The following POLE variants were observed in gnomAD, a reference collection of about 807,000 sequenced individuals.
POLE encodes the protein DNA polymerase epsilon, catalytic subunit, also known as DNA polymerase epsilon catalytic subunit A.
POLE carries 188 observed loss-of-function variants against 279.2 expected under a neutral mutation model. The observed-to-expected ratio is 0.67, with a 90% CI of 0.60 to 0.76. The LOEUF (loss-of-function observed/expected upper bound fraction) is 0.76. Ranked by LOEUF, POLE falls within the 30% of genes least tolerant of loss-of-function variation. POLE has a pLI of 0.00. For synonymous variants in POLE, 1,214 were observed against 1,172.5 expected (o/e 1.04, Z -0.72); for missense variants, 2,703 against 3,016.7 (o/e 0.90, Z 2.44).
chr12:132,682,311 A>AAAAAAAAAAAAAAAAAT (rs1555230620), intron 1 of POLE, among the ~76,000 whole-genome samples: 1 of 74,380 alleles, frequency 1.3e-5, no homozygotes, highest in African/African-American at 3.5e-5. Context: ...AAAATAAATA[A>AAAAAAAAAAAAAAAAAT]AAATAAATAA....
rs2138559250 is a variant in POLE, at chr12:132,643,873, C to T, written c.4254G>A (p.Leu1418=). Residue 1418 remains leucine, a synonymous_variant, in exon 33 of 49, where the codon CTG becomes CTA. Coordinates refer to ENST00000320574, the MANE Select transcript of POLE (RefSeq NM_006231.4). The part of the protein sequence containing the change: ...QEHINEINAE[L]SAPDIEGVYE... ...ATACGCCCTCGATGTCTGGCGCTGA[C>T]AGCTCAGCGTTGATCTCGTTGATGT... is the stretch of plus-strand genomic sequence containing the variant. The T allele has an allele frequency of 6.2e-7, 1 of 1,614,174 alleles. No individual in the cohort carries two copies. The highest frequency in any genetic ancestry group is 8.5e-7 in the Non-Finnish European group (1 of 1,179,986).
At chr12:132,677,549 G>C (rs1265960312) in intron 7 of POLE, 29 bp downstream of exon 7, 1 of 1,613,678 alleles carries the variant, frequency 6.2e-7, no homozygotes, top group East Asian at 2.2e-5. Context: ...AAATTCATGT[G>C]AGCAGCGACC....
rs2042745178 is a variant in POLE, at chr12:132,664,370, C to G, written c.2561G>C (p.Gly854Ala). Reference protein sequence around the residue: ...TQARELIEQIGRPLELDTDGI... With the variant: ...TQARELIEQIARPLELDTDGI... ...CCCACGGCTCCCCTTCTGCACTCAC[C>G]CAATCTGCTCGATCAGCTCCCGTGC... Residue 854 changes from glycine (G) to alanine (A), a missense_variant and splice_region_variant, in exon 22 of 49, where the codon GGG becomes GCG. Coordinates refer to ENST00000320574, the MANE Select transcript of POLE (RefSeq NM_006231.4). This position sits in a 1 kb window ranked among gnomAD's most constrained non-coding sequence, Gnocchi z 5.3. The G allele has an allele frequency of 6.2e-7, 1 of 1,613,668 alleles. No homozygotes were observed. Among genetic ancestry groups the G allele is most frequent in the Non-Finnish European group, 8.5e-7 (1 of 1,179,760 alleles).
In POLE at chr12:132,680,072, T is replaced by C; in HGVS notation, c.331-26A>G. ...CTAATCAGGATCAGAATGAAAAGGC[T>C]TTCCATTGGTAAAATACATTTCCTT... On this transcript the variant is annotated intron_variant, in intron 4 of 48. Coordinates refer to ENST00000320574, the MANE Select transcript of POLE (RefSeq NM_006231.4). 1.9e-6 allele frequency: 3 copies of C among 1,602,604 alleles called. No homozygotes were observed. In the South Asian group the frequency reaches 3.3e-5, roughly 18 times the overall value.
Position 132,680,588 on chromosome 12 carries a change from G to C in POLE, c.285+19C>G. On this transcript the variant is annotated intron_variant, in intron 3 of 48. Coordinates refer to ENST00000320574, the MANE Select transcript of POLE (RefSeq NM_006231.4). Reference sequence around the variant, plus strand: ...CACCCATAAAAGTGGGTTTTAGCTTGTCGCAGTCAGGGGCTTACCTTAAAT... The same window carrying C: ...CACCCATAAAAGTGGGTTTTAGCTTCTCGCAGTCAGGGGCTTACCTTAAAT... 1 of 1,602,260 alleles carries C rather than the reference G, an allele frequency of 6.2e-7. No homozygotes were observed.
intron 39 of POLE, chr12:132,641,106 C>T: frequency 2.2e-6 from 1 of 456,106 alleles, no homozygotes; most frequent in African/African-American, 2.0e-5. Flanking sequence ...CGCTCCCCGT[C>T]CCTGGGCTGA....
At chr12:132,685,523 T>TGAG (rs1473240881) in intron 1 of POLE, among the ~76,000 whole-genome samples, 4 of 152,240 alleles carry the variant, frequency 2.6e-5, no homozygotes, top group Non-Finnish European at 5.9e-5. Flanking sequence ...AAGGATGAGA[T>TGAG]GAGGTAACCC....
chr12:132,649,209 T>C, intron 31 of POLE, 97 bp downstream of exon 31: 1 of 1,509,376 alleles, frequency 6.6e-7, no homozygotes, highest in Non-Finnish European at 9.1e-7. Flanking sequence ...CCAGGCCCAC[T>C]CTAACCCTCC....
In POLE at chr12:132,658,174, G is replaced by A. The variant is rs79029769; in HGVS notation, c.3276-204C>T. 8.6e-4 allele frequency: 442 copies of A among 513,894 alleles called. 10 individuals carry two copies. In the East Asian group the frequency reaches 0.014, roughly 17 times the overall value. 31.8% of individuals were successfully genotyped at this position (513,894 alleles called of 1,614,324 possible). Reference sequence around the variant, plus strand: ...CACGTGCGTATGTGTAAACACGTGCGTGTGTGCACGTAAACATGTCTACAT... The same window carrying A: ...CACGTGCGTATGTGTAAACACGTGCATGTGTGCACGTAAACATGTCTACAT... On this transcript the variant is annotated intron_variant, in intron 26 of 48. Transcript: ENST00000320574.
chr12:132,663,963 C>A, intron 23 of POLE, 41 bp downstream of exon 23: 13 of 1,611,740 alleles, frequency 8.1e-6, no homozygotes, highest in Non-Finnish European at 1.1e-5. Flanking sequence ...GCACTGACGC[C>A]AGGCCAGCCA....
At chr12:132,685,241 T>C (rs932660449) in intron 1 of POLE, among the ~76,000 whole-genome samples, 1 of 150,360 alleles carries the variant, frequency 6.7e-6, no homozygotes, top group Non-Finnish European at 1.5e-5. Flanking sequence ...ACCGTCCCAG[T>C]ACTACACACA....
At chr12:132,685,643 G>A (rs1475658576) in intron 1 of POLE, among the ~76,000 whole-genome samples, 2 of 152,250 alleles carry the variant, frequency 1.3e-5, no homozygotes, top group South Asian at 2.1e-4. Flanking sequence ...AGTGGAGCAC[G>A]TGAGTGCAGT....
intron 16 of POLE, among the ~76,000 whole-genome samples, chr12:132,669,747 G>A (rs2042881685): frequency 6.6e-6 from 1 of 152,176 alleles, no homozygotes; most frequent in South Asian, 2.1e-4. Flanking sequence ...GAATGGCCAA[G>A]TTTCCATGGT....
Position 132,679,567 on chromosome 12 carries a change from T to C in POLE, c.508A>G (p.Ile170Val). 3 of 1,614,094 alleles carry C rather than the reference T, an allele frequency of 1.9e-6. No homozygotes were observed. Among genetic ancestry groups the C allele is most frequent in the Non-Finnish European group, 1.7e-6 (2 of 1,179,946 alleles). Reference protein sequence around the residue: ...VEDLVKVRKEISPAVKKNREQ... With the variant: ...VEDLVKVRKEVSPAVKKNREQ... ...CTGTTCTTCTTCACGGCAGGGGAGA[T>C]CTCCTTCCTCACTTTGACAAGATCC... is the stretch of plus-strand genomic sequence containing the variant. Residue 170 changes from isoleucine (I) to valine (V), a missense_variant, in exon 6 of 49, where the codon ATC becomes GTC. Ile to Val is a conservative substitution (Grantham distance 29). Around this residue, in one of 5 missense-constraint regions of POLE, gnomAD observed 1,011 missense variants for 1,111.7 expected, o/e 0.91. Coordinates refer to ENST00000320574, the MANE Select transcript of POLE (RefSeq NM_006231.4).
Position 132,635,944 on chromosome 12 carries a change from G to C in POLE, c.5759C>G (p.Ser1920Cys), listed in dbSNP as rs2042023335. ...CWEFLLWMDP[S>C]NYGGIKGKVS... ...TTTTCCTTTGATTCCGCCATAGTTA[G>C]ATGGATCCATCCAGAGAAGAAATTC... is the stretch of plus-strand genomic sequence containing the variant. The change falls in exon 42 of 49, where the codon TCT becomes TGT. Residue 1920 changes from serine to cysteine, a missense_variant. Physicochemically the swap from Ser to Cys is moderately radical, Grantham distance 112 (BLOSUM62 -1). This residue lies in a region of POLE where 1,551 missense variants were observed against 1,686.1 expected (regional missense o/e 0.92). Coordinates refer to ENST00000320574, the MANE Select transcript of POLE (RefSeq NM_006231.4). The C allele has an allele frequency of 6.2e-7, 1 of 1,613,852 alleles. No homozygotes were observed. The highest frequency in any genetic ancestry group is 1.7e-5 in the Admixed American group (1 of 59,980).
rs772972882 is a variant in POLE, at chr12:132,687,299, C to T, written c.17G>A (p.Gly6Asp). 2.0e-6 allele frequency: 3 copies of T among 1,505,716 alleles called. No individual in the cohort carries two copies. The highest frequency in any genetic ancestry group is 4.2e-5 in the Admixed American group (2 of 48,168). 93.3% of individuals were successfully genotyped at this position (1,505,716 alleles called of 1,614,324 possible). A position where few individuals can be genotyped will look rare whatever the true frequency, so the allele number is the denominator to read the frequency against. Residue 6 changes from glycine to aspartate, a missense_variant, in exon 1 of 49, where the codon GGC becomes GAC. Coordinates refer to ENST00000320574, the MANE Select transcript of POLE (RefSeq NM_006231.4). ...GCCTGGGTCCGCGCGCCGCCGCCCG[C>T]CGCTCCTCAGAGACATGGAGCCGTT... MSLRS[G>D]GRRRADPGAD...
In POLE at chr12:132,624,401, C is replaced by T; in HGVS notation, c.*296G>A. 2.0e-6 allele frequency: 1 copy of T among 492,746 alleles called. No homozygotes were observed. The highest frequency in any genetic ancestry group is 3.7e-6 in the Non-Finnish European group (1 of 270,450). 30.5% of individuals were successfully genotyped at this position (492,746 alleles called of 1,614,324 possible). A position where few individuals can be genotyped will look rare whatever the true frequency, so the allele number is the denominator to read the frequency against. The stretch of plus-strand genomic sequence containing the variant: ...GGTGTGGTGCAGGAAGCAACAGAGG[C>T]CTGGAAAAGCATTCACTGCGTGAGA... On this transcript the variant is annotated 3_prime_UTR_variant, in exon 49 of 49. Coordinates refer to ENST00000320574, the MANE Select transcript of POLE (RefSeq NM_006231.4).
chr12:132,658,784 C>T (rs993735755), intron 26 of POLE: 29 of 157,248 alleles, frequency 1.8e-4, no homozygotes, highest in African/African-American at 7.2e-4. Context: ...GTGACCCCAA[C>T]CTATTCCCTC....
Position 132,649,002 on chromosome 12 carries a change from C to A in POLE, c.4076G>T (p.Arg1359Met), listed in dbSNP as rs769322068. Reference protein sequence around the residue: ...ALVGSDLHCIRLSIPRVFYVN... With the variant: ...ALVGSDLHCIMLSIPRVFYVN... ...GTAGAACACACGGGGGATGCTCAGC[C>A]TGATGCAGTGCAAGTCACTGCCAAC... is the stretch of plus-strand genomic sequence containing the variant. The change falls in exon 32 of 49, where the codon AGG becomes ATG. Residue 1359 changes from arginine (R) to methionine (M), a missense_variant. Coordinates refer to ENST00000320574, the MANE Select transcript of POLE (RefSeq NM_006231.4). 1 of 1,614,066 alleles carries A rather than the reference C, an allele frequency of 6.2e-7. No homozygotes were observed. Among genetic ancestry groups the A allele is most frequent in the East Asian group, 2.2e-5 (1 of 44,894 alleles).
Sources: gnomAD v4.1 joint callset for allele counts (sites outside exome capture counted in the v4.1 genomes callset) on GRCh38, gnomAD v4.1.1 for gene constraint, gnomAD v4.1.1 regional missense constraint, Gnocchi (gnomAD v3.1) non-coding constraint, MANE v1.5 for transcripts, NCBI Gene and HGNC (gene_info 2026-07-23, HGNC 2026-07-21) for gene names.